Variants in CUX2 observed in about 807,000 individuals in gnomAD.
The protein encoded by CUX2 is cut like homeobox 2, also known as homeobox protein cut-like 2.
A neutral mutation model predicts 144.8 loss-of-function variants in CUX2; 40 were observed. That is an observed-to-expected ratio of 0.28 (90% CI 0.21 to 0.36). The LOEUF (loss-of-function observed/expected upper bound fraction) is 0.36, where lower values mean the gene tolerates loss of function less well. Ranked by LOEUF, CUX2 falls within the 10% of genes least tolerant of loss-of-function variation. CUX2 has a pLI of 1.00. For synonymous variants in CUX2, 827 were observed against 875.6 expected (o/e 0.94, Z 0.98); for missense variants, 1,615 against 1,994.0 (o/e 0.81, Z 3.62).
At chr12:111,111,451 G>A (rs1186263748) in intron 1 of CUX2, among the ~76,000 whole-genome samples, 2 of 152,130 alleles carry the variant, frequency 1.3e-5, no homozygotes, top group Admixed American at 6.5e-5. Context: ...TAGTAAACAA[G>A]GTTGGGTCTC....
chr12:111,042,320 C>T (rs1263529264), intron 1 of CUX2, among the ~76,000 whole-genome samples: 1 of 152,206 alleles, frequency 6.6e-6, no homozygotes, highest in Non-Finnish European at 1.5e-5. Flanking sequence ...GGGCAGATTT[C>T]CCTGAGTGGG....
rs763231639 is a variant in CUX2, at chr12:111,291,471, C to T, written c.355C>T (p.Pro119Ser). 1 of 1,612,872 alleles carries T rather than the reference C, an allele frequency of 6.2e-7. No homozygotes were observed. Among genetic ancestry groups the T allele is most frequent in the African/African-American group, 1.3e-5 (1 of 75,036 alleles). Residue 119 changes from proline (P) to serine (S), a missense_variant, in exon 5 of 22, where the codon CCC becomes TCC. Coordinates refer to ENST00000261726, the MANE Select transcript of CUX2 (RefSeq NM_015267.4). ...ARSLDDRLQPPSFDPSGQPRR... is the reference protein window; with the variant it reads ...ARSLDDRLQPSSFDPSGQPRR... ...CAGCCTAGACGACAGACTGCAGCCC[C>T]CCAGCTTTGACCCCAGTGGGCAGCC...
At chr12:111,341,647 G>A in intron 20 of CUX2, 133 bp from the exon 21 acceptor site, 1 of 1,016,050 alleles carries the variant, frequency 9.8e-7, no homozygotes, top group Non-Finnish European at 1.4e-6. Context: ...CTGGGGGGCG[G>A]GCCTCTAAGC....
At chr12:111,217,840 G>T in intron 2 of CUX2, 50 bp from the exon 3 acceptor site, 1 of 1,603,952 alleles carries the variant, frequency 6.2e-7, no homozygotes, top group Non-Finnish European at 8.5e-7. Context: ...GGGGCCACGG[G>T]GGCGTCCCAC....
At position 111,272,466 on chromosome 12, in the gene CUX2, T is replaced by C. The variant is rs541243676; in HGVS notation, c.301+8627T>C. ...TGAAGATGACAGTTAACTTTATTAT[T>C]ATTATTATTATTTTCTGAGATGTAG... is the stretch of plus-strand genomic sequence containing the variant. On this transcript the variant is annotated intron_variant, in intron 4 of 21. Transcript: ENST00000261726. Among the ~76,000 whole-genome samples, 9 of 152,218 alleles carry C rather than the reference T, an allele frequency of 5.9e-5. No homozygotes were observed. The South Asian group carries it at 1.9e-3, about 32-fold the overall frequency.
intron 1 of CUX2, among the ~76,000 whole-genome samples, chr12:111,194,526 C>G (rs573734560): frequency 6.6e-6 from 1 of 152,206 alleles, no homozygotes; most frequent in Non-Finnish European, 1.5e-5. Flanking sequence ...ACTAGACTCC[C>G]GACCCTGCTG....
At chr12:111,254,953 G>A (rs747206625) in intron 3 of CUX2, among the ~76,000 whole-genome samples, 2 of 152,146 alleles carry the variant, frequency 1.3e-5, no homozygotes, top group African/African-American at 4.8e-5. Context: ...GGGTTCAAGA[G>A]ATTCTACTGC....
intron 1 of CUX2, among the ~76,000 whole-genome samples, chr12:111,129,003 C>T (rs1313577576): frequency 1.3e-5 from 2 of 152,222 alleles, no homozygotes; most frequent in African/African-American, 2.4e-5. Flanking sequence ...AATATGTTGG[C>T]TCCCAAATCC....
chr12:111,285,985 G>A (rs1041453654), intron 4 of CUX2, among the ~76,000 whole-genome samples: 2 of 152,222 alleles, frequency 1.3e-5, no homozygotes, highest in African/African-American at 2.4e-5. Flanking sequence ...TGGAAGGGAT[G>A]TTGGCCAGAT....
At chr12:111,045,338 T>C (rs1303704988) in intron 1 of CUX2, among the ~76,000 whole-genome samples, 2 of 152,324 alleles carry the variant, frequency 1.3e-5, no homozygotes, top group South Asian at 2.1e-4. Flanking sequence ...AGGTCATTTA[T>C]TCATTTGATG....
Position 111,263,939 on chromosome 12 carries a change from T to TGGTGGATGTGGGGACATGTG in CUX2, c.301+102_301+103insTGGATGTGGGGACATGTGGG. The TGGTGGATGTGGGGACATGTG allele has an allele frequency of 8.8e-7, 1 of 1,141,924 alleles. No individual in the cohort carries two copies. Among genetic ancestry groups the TGGTGGATGTGGGGACATGTG allele is most frequent in the African/African-American group, 1.5e-5 (1 of 65,552 alleles). 70.7% of individuals were successfully genotyped at this position (1,141,924 alleles called of 1,614,324 possible). A position where few individuals can be genotyped will look rare whatever the true frequency, so the allele number is the denominator to read the frequency against. On this transcript the variant is annotated intron_variant, in intron 4 of 21. Coordinates refer to ENST00000261726, the MANE Select transcript of CUX2 (RefSeq NM_015267.4). This position sits in a 1 kb window ranked among gnomAD's most constrained non-coding sequence, Gnocchi z 4.0. ...TTGAGGTGGGATGTGGGGACATGCC[T>TGGTGGATGTGGGGACATGTG]GGGCTCCTGGGTGAGGCCAGGCACT... is the stretch of plus-strand genomic sequence containing the variant.
intron 1 of CUX2, among the ~76,000 whole-genome samples, chr12:111,108,971 A>T (rs1039854380): frequency 1.3e-5 from 2 of 152,160 alleles, no homozygotes; most frequent in Non-Finnish European, 2.9e-5. Context: ...AGGTGGCCAC[A>T]TGCCCTTCTG....
chr12:111,307,172 C>T lies in CUX2; in HGVS notation c.1051-27C>T. On this transcript the variant is annotated intron_variant, in intron 11 of 21. Coordinates refer to ENST00000261726, the MANE Select transcript of CUX2 (RefSeq NM_015267.4). This position sits in a 1 kb window ranked among gnomAD's most constrained non-coding sequence, Gnocchi z 4.1. Reference sequence around the variant, plus strand: ...CCCCATGCAGAAGCACACAGACCAGCCTCACCATCTTTCTTTGCTCTTCTA... The same window carrying T: ...CCCCATGCAGAAGCACACAGACCAGTCTCACCATCTTTCTTTGCTCTTCTA... 6.2e-7 allele frequency: 1 copy of T among 1,613,968 alleles called. No individual in the cohort carries two copies. Among genetic ancestry groups the T allele is most frequent in the Non-Finnish European group, 8.5e-7 (1 of 1,179,886 alleles).
intron 4 of CUX2, among the ~76,000 whole-genome samples, chr12:111,285,004 C>G (rs1401904494): frequency 1.3e-5 from 2 of 152,198 alleles, no homozygotes; most frequent in African/African-American, 4.8e-5. Flanking sequence ...CACAGGGTTT[C>G]CTTTCTCCCC....
At chr12:111,330,688 T>C (rs1419332059) in intron 18 of CUX2, among the ~76,000 whole-genome samples, 2 of 734 alleles carry the variant, frequency 2.7e-3, no homozygotes, top group Non-Finnish European at 9.5e-3. Context: ...TACATATACA[T>C]ATATATATAT....
chr12:111,258,540 T>C (rs1312239943), intron 3 of CUX2, among the ~76,000 whole-genome samples: 3 of 150,798 alleles, frequency 2.0e-5, no homozygotes, highest in Non-Finnish European at 4.4e-5. Flanking sequence ...AAGAGGAATT[T>C]AGGGACCTGG....
At chr12:111,063,800 C>T (rs912108339) in intron 1 of CUX2, among the ~76,000 whole-genome samples, 2 of 152,228 alleles carry the variant, frequency 1.3e-5, no homozygotes, top group African/African-American at 4.8e-5. Context: ...TATTGCACTC[C>T]GAGCTGCAGA....
Position 111,039,018 on chromosome 12 carries a change from T to A in CUX2, c.63+4778T>A, listed in dbSNP as rs1869605065. Among the ~76,000 whole-genome samples the A allele has an allele frequency of 6.6e-6, 1 of 152,122 alleles. No individual in the cohort carries two copies. The highest frequency in any genetic ancestry group is 2.1e-4 in the South Asian group (1 of 4,816). ...TTCTATCTTCGAACTTGACATTCTGTCATGGTAACCTTTCTTCCGGCAGAT... is the reference window on the plus strand; with the variant it reads ...TTCTATCTTCGAACTTGACATTCTGACATGGTAACCTTTCTTCCGGCAGAT... On this transcript the variant is annotated intron_variant, in intron 1 of 21. Coordinates refer to ENST00000261726, the MANE Select transcript of CUX2 (RefSeq NM_015267.4). This position sits in a 1 kb window ranked among gnomAD's most constrained non-coding sequence, Gnocchi z 4.2.
rs5800922 is a variant in CUX2, at chr12:111,175,341, C to CT, written c.64-38839dup. On this transcript the variant is annotated intron_variant, in intron 1 of 21. Transcript: ENST00000261726. Reference sequence around the variant, plus strand: ...TTACCAACCCCCTCCCCACCCACACCTTTTTTTTTTTTTTTTTTTTACACT... The same window carrying CT: ...TTACCAACCCCCTCCCCACCCACACCTTTTTTTTTTTTTTTTTTTTTACACT... Among the ~76,000 whole-genome samples the CT allele has an allele frequency of 1.8e-3, 223 of 124,122 alleles. 1 individual carries two copies. The highest frequency in any genetic ancestry group is 4.6e-3 in the South Asian group (17 of 3,728). 81.4% of individuals were successfully genotyped at this position (124,122 alleles called of 152,430 possible). A position where few individuals can be genotyped will look rare whatever the true frequency, so the allele number is the denominator to read the frequency against.
Sources: gnomAD v4.1 joint callset for allele counts (sites outside exome capture counted in the v4.1 genomes callset) on GRCh38, gnomAD v4.1.1 for gene constraint, Gnocchi (gnomAD v3.1) non-coding constraint, MANE v1.5 for transcripts, NCBI Gene and HGNC (gene_info 2026-07-23, HGNC 2026-07-21) for gene names.